The following STPG2 variants were observed in gnomAD, a reference collection of about 807,000 sequenced individuals.
STPG2 encodes the protein sperm-tail PG-rich repeat-containing protein 2.
In STPG2, 56 loss-of-function variants were observed where a neutral mutation model predicts 54.2. The observed-to-expected ratio is 1.03, with a 90% CI of 0.83 to 1.29. The LOEUF (loss-of-function observed/expected upper bound fraction) is 1.29, where lower values mean the gene tolerates loss of function less well. Ranked by LOEUF, STPG2 falls within the 50% of genes most tolerant of loss-of-function variation. The pLI, the probability that STPG2 is intolerant of heterozygous loss-of-function variation, is 0.00. For missense variants in STPG2, 596 were observed against 544.9 expected, an observed-to-expected ratio of 1.09 and a Z score of -0.93; for synonymous variants, 200 against 181.8, an observed-to-expected ratio of 1.10 and a Z score of -0.81.
At chr4:97,884,222 C>T (rs1340578017) in intron 8 of STPG2, among the ~76,000 whole-genome samples, 1 of 152,126 alleles carries the variant, frequency 6.6e-6, no homozygotes, top group Non-Finnish European at 1.5e-5. Flanking sequence ...AGACAGGGTC[C>T]AATAAACTCT....
At chr4:98,000,062 T>C (rs1240481771) in intron 5 of STPG2, among the ~76,000 whole-genome samples, 2 of 152,188 alleles carry the variant, frequency 1.3e-5, no homozygotes, top group Non-Finnish European at 2.9e-5. Context: ...TAATGGCCCA[T>C]ATGAACCTGT....
intron 8 of STPG2, among the ~76,000 whole-genome samples, chr4:97,859,798 C>T (rs1259304964): frequency 6.6e-6 from 1 of 152,158 alleles, no homozygotes. Flanking sequence ...AACTCTTGGC[C>T]TAAGCCAATG....
chr4:97,791,106 T>C (rs1726976514), intron 9 of STPG2, among the ~76,000 whole-genome samples: 1 of 152,186 alleles, frequency 6.6e-6, no homozygotes, highest in Non-Finnish European at 1.5e-5. Flanking sequence ...CTTACTGACA[T>C]AGGTTCATTT....
At chr4:97,454,298 G>A (rs1729454091) in intron 4 of STPG2, among the ~76,000 whole-genome samples, 1 of 151,358 alleles carries the variant, frequency 6.6e-6, no homozygotes, top group Non-Finnish European at 1.5e-5. Flanking sequence ...TGGATCATGA[G>A]GTCAGGAGAT....
intron 10 of STPG2, among the ~76,000 whole-genome samples, chr4:97,647,673 G>A (rs917678099): frequency 6.6e-6 from 1 of 152,178 alleles, no homozygotes; most frequent in African/African-American, 2.4e-5. Context: ...TAAGGGACGG[G>A]CCAAGCAGTG....
rs537727091 is a variant in STPG2, at chr4:98,073,297, A to G, written c.612+32656T>C. Among the ~76,000 whole-genome samples, 5 of 152,348 alleles carry G rather than the reference A, an allele frequency of 3.3e-5. No homozygotes were observed. In the East Asian group the frequency reaches 7.7e-4, roughly 23 times the overall value. ...CAGATTCTAACTCAGCTGAGTTAGA[A>G]TATAGTATATATACATGACAGGCAC... On this transcript the variant is annotated intron_variant, in intron 5 of 10. Coordinates refer to ENST00000295268, the MANE Select transcript of STPG2 (RefSeq NM_174952.3).
intron 4 of STPG2, among the ~76,000 whole-genome samples, chr4:98,108,154 T>C (rs1578173303): frequency 6.6e-6 from 1 of 152,276 alleles, no homozygotes; most frequent in East Asian, 1.9e-4. Flanking sequence ...AAACAATGTT[T>C]ACTCAATGAA....
At chr4:97,974,927 T>C (rs1228628221) in intron 6 of STPG2, among the ~76,000 whole-genome samples, 1 of 152,046 alleles carries the variant, frequency 6.6e-6, no homozygotes, top group Non-Finnish European at 1.5e-5. Flanking sequence ...GATGAATAAG[T>C]AAACAAAATG....
chr4:97,980,066 G>T (rs1734622256), intron 6 of STPG2, among the ~76,000 whole-genome samples: 1 of 152,038 alleles, frequency 6.6e-6, no homozygotes, highest in South Asian at 2.1e-4. Flanking sequence ...CACACCTGTA[G>T]TCCCAGCTAC....
intron 4 of STPG2, among the ~76,000 whole-genome samples, chr4:97,459,111 T>C (rs1729595979): frequency 6.6e-6 from 1 of 152,048 alleles, no homozygotes; most frequent in Admixed American, 6.6e-5. Flanking sequence ...TTACACAATA[T>C]ATAATTTCCT....
intron 7 of STPG2, among the ~76,000 whole-genome samples, chr4:97,954,422 G>T (rs1733591135): frequency 6.6e-6 from 1 of 152,194 alleles, no homozygotes. Context: ...TCTTGGGCCA[G>T]AATGACAAAA....
intron 5 of STPG2, among the ~76,000 whole-genome samples, chr4:97,990,045 C>G (rs987253160): frequency 6.6e-6 from 1 of 152,186 alleles, no homozygotes; most frequent in Non-Finnish European, 1.5e-5. Flanking sequence ...TACTTTTCTA[C>G]TATTTTCAAC....
chr4:98,121,867 G>A (rs185486826), intron 3 of STPG2, among the ~76,000 whole-genome samples: 33 of 152,076 alleles, frequency 2.2e-4, no homozygotes, highest in East Asian at 3.9e-4. Flanking sequence ...GACTACAGGC[G>A]TGCATCACCA....
At chr4:97,632,770 C>A (rs142038530) in intron 10 of STPG2, among the ~76,000 whole-genome samples, 3,623 of 152,146 alleles carry the variant, frequency 0.024, 60 homozygotes, top group Middle Eastern at 0.051. Flanking sequence ...GGAAATAGAA[C>A]TAATTTCTCC....
chr4:97,848,442 A>C (rs1018246525), intron 8 of STPG2, among the ~76,000 whole-genome samples: 11 of 152,144 alleles, frequency 7.2e-5, no homozygotes, highest in Admixed American at 3.3e-4. Flanking sequence ...TTTTTCCACT[A>C]TTCTCTCAAA....
intron 8 of STPG2, among the ~76,000 whole-genome samples, chr4:97,922,987 T>A (rs538855351): frequency 3.3e-4 from 50 of 152,380 alleles, no homozygotes; most frequent in African/African-American, 1.2e-3. Flanking sequence ...GTCATTTTAT[T>A]TTTCTACCAA....
At chr4:97,468,320 AGTTT>A (rs1448893595) in intron 4 of STPG2, among the ~76,000 whole-genome samples, 2 of 151,968 alleles carry the variant, frequency 1.3e-5, no homozygotes, top group African/African-American at 4.8e-5. Flanking sequence ...TACCTAACCA[AGTTT>A]GTTTATTTTT....
chr4:97,548,272 G>T (rs1378610691), intron 4 of STPG2, among the ~76,000 whole-genome samples: 5 of 152,120 alleles, frequency 3.3e-5, no homozygotes, highest in African/African-American at 4.8e-5. Context: ...AGTATGAAGT[G>T]GAGAAGAAAA....
chr4:97,590,804 C>A (rs548907139), intron 10 of STPG2, among the ~76,000 whole-genome samples: 1 of 151,960 alleles, frequency 6.6e-6, no homozygotes, highest in Non-Finnish European at 1.5e-5. Context: ...TAAGTTACTA[C>A]AACACAAGAA....
Sources: allele counts gnomAD v4.1 joint callset (sites outside exome capture counted in the v4.1 genomes callset), GRCh38; gene constraint gnomAD v4.1.1; transcripts MANE v1.5; gene names NCBI Gene and HGNC (gene_info 2026-07-23, HGNC 2026-07-21).